LHFPL3: variants seen among roughly 807,000 people sequenced by gnomAD.
LHFPL3 encodes the protein LHFPL tetraspan subfamily member 3.
Under a neutral mutation model 19.3 loss-of-function variants are expected in LHFPL3, and 5 were observed. The ratio of observed to expected loss-of-function variants is 0.26; its 90% CI spans 0.14 to 0.54. The LOEUF is 0.54. Ranked by LOEUF, LHFPL3 falls within the 20% of genes least tolerant of loss-of-function variation. The probability of loss-of-function intolerance (pLI) is 0.94; values close to 1 mark genes in which losing one functional copy is unlikely to be tolerated. For missense variants in LHFPL3, 249 were observed against 307.4 expected (o/e 0.81, Z 1.42); for synonymous variants, 133 against 126.2 (o/e 1.05, Z -0.36).
At chr7:104,544,042 A>T (rs959778279) in intron 1 of LHFPL3, among the ~76,000 whole-genome samples, 4 of 141,000 alleles carry the variant, frequency 2.8e-5, no homozygotes, top group East Asian at 2.0e-4. Flanking sequence ...AAGTAAAATT[A>T]AAAAAAAAAA....
At chr7:104,699,970 A>G (rs368078568) in intron 1 of LHFPL3, among the ~76,000 whole-genome samples, 2 of 152,136 alleles carry the variant, frequency 1.3e-5, no homozygotes, top group African/African-American at 4.8e-5. Context: ...CAGGCCTTAC[A>G]TGTCCCCTGA....
intron 2 of LHFPL3, among the ~76,000 whole-genome samples, chr7:104,790,337 T>C (rs912452468): frequency 7.2e-5 from 11 of 152,184 alleles, no homozygotes; most frequent in African/African-American, 2.4e-4. Flanking sequence ...CAGGGAGGAT[T>C]CATGCACCCT....
intron 1 of LHFPL3, among the ~76,000 whole-genome samples, chr7:104,674,359 T>C (rs1304184341): frequency 6.7e-6 from 1 of 150,352 alleles, no homozygotes; most frequent in Non-Finnish European, 1.5e-5. Flanking sequence ...TTCCTGTTTT[T>C]CTTTTTCTTT....
At chr7:104,497,490 C>CT (rs1198005568) in intron 1 of LHFPL3, among the ~76,000 whole-genome samples, 2 of 152,002 alleles carry the variant, frequency 1.3e-5, no homozygotes, top group African/African-American at 4.8e-5. Flanking sequence ...CATGAGAAGT[C>CT]TTTGTCTTCA....
At chr7:104,573,520 A>T (rs971858465) in intron 1 of LHFPL3, among the ~76,000 whole-genome samples, 1 of 152,236 alleles carries the variant, frequency 6.6e-6, no homozygotes, top group African/African-American at 2.4e-5. Context: ...AACTTGAGAC[A>T]TAAATGAAAT....
chr7:104,698,461 G>A lies in LHFPL3; in HGVS notation c.446-38214G>A, dbSNP rs559438616. The stretch of plus-strand genomic sequence containing the variant: ...GCACAGACAATAAAAGACAAAATAG[G>A]TAAGTTGGACTTCATCAAAATTAAA... On this transcript the variant is annotated intron_variant, in intron 1 of 2. Transcript: ENST00000424859. Among the ~76,000 whole-genome samples, 7 of 152,274 alleles carry A rather than the reference G, an allele frequency of 4.6e-5. No individual in the cohort carries two copies. In the East Asian group the frequency reaches 1.4e-3, roughly 29 times the overall value.
chr7:104,450,014 T>A (rs1014032537), intron 1 of LHFPL3, among the ~76,000 whole-genome samples: 5 of 152,204 alleles, frequency 3.3e-5, no homozygotes, highest in Non-Finnish European at 7.3e-5. Context: ...TATTCTTCAT[T>A]TGAATTGAAA....
In LHFPL3 at chr7:104,860,014, T is replaced by G. The variant is rs78301774; in HGVS notation, c.683-46173T>G. Among the ~76,000 whole-genome samples the G allele has an allele frequency of 5.6e-3, 857 of 152,208 alleles. 43 individuals carry two copies. The East Asian group carries it at 0.11, about 20-fold the overall frequency. The stretch of plus-strand genomic sequence containing the variant: ...CCTAAAACTACTCTAAAAGTAACAT[T>G]TTTTCAGAAGCATAAACTATGATGT... On this transcript the variant is annotated intron_variant, in intron 2 of 2. Coordinates refer to ENST00000424859, the MANE Select transcript of LHFPL3 (RefSeq NM_199000.3).
At chr7:104,392,835 T>C (rs1263334496) in intron 1 of LHFPL3, among the ~76,000 whole-genome samples, 1 of 152,222 alleles carries the variant, frequency 6.6e-6, no homozygotes, top group East Asian at 1.9e-4. Context: ...CTTTGGTTGG[T>C]AGGCTCTTAA....
At chr7:104,465,534 G>A (rs1792762901) in intron 1 of LHFPL3, among the ~76,000 whole-genome samples, 1 of 152,238 alleles carries the variant, frequency 6.6e-6, no homozygotes, top group African/African-American at 2.4e-5. Flanking sequence ...AGTTCAGCAT[G>A]GCTGGGGAGG....
chr7:104,735,390 G>C (rs542845319), intron 1 of LHFPL3, among the ~76,000 whole-genome samples: 3 of 152,378 alleles, frequency 2.0e-5, no homozygotes, highest in African/African-American at 7.2e-5. Flanking sequence ...CAGCCGCTTT[G>C]TTTACCTACT....
At chr7:104,875,316 A>T (rs1791916905) in intron 2 of LHFPL3, among the ~76,000 whole-genome samples, 2 of 152,110 alleles carry the variant, frequency 1.3e-5, no homozygotes, top group African/African-American at 4.8e-5. Flanking sequence ...TACCTTGTCA[A>T]TGTCTCCCTG....
chr7:104,559,678 C>T (rs1395802479), intron 1 of LHFPL3, among the ~76,000 whole-genome samples: 2 of 152,168 alleles, frequency 1.3e-5, no homozygotes, highest in African/African-American at 4.8e-5. Context: ...TTATTTCCTT[C>T]TCCTGCCTAA....
At chr7:104,766,221 A>G (rs1354276812) in intron 2 of LHFPL3, among the ~76,000 whole-genome samples, 2 of 152,212 alleles carry the variant, frequency 1.3e-5, no homozygotes, top group Non-Finnish European at 2.9e-5. Context: ...GAGATTATCT[A>G]GAGAGCAATG....
At chr7:104,458,922 A>G (rs1279192813) in intron 1 of LHFPL3, among the ~76,000 whole-genome samples, 1 of 152,194 alleles carries the variant, frequency 6.6e-6, no homozygotes, top group East Asian at 1.9e-4. Context: ...GATTTCCAGC[A>G]GTGCAATAGT....
intron 1 of LHFPL3, among the ~76,000 whole-genome samples, chr7:104,463,964 A>G (rs1306841959): frequency 1.3e-5 from 2 of 152,176 alleles, no homozygotes; most frequent in African/African-American, 4.8e-5. Context: ...TCAAAAGTCC[A>G]CGTCCAAAGT....
At chr7:104,329,627 G>T (rs1362859932) in intron 1 of LHFPL3, among the ~76,000 whole-genome samples, 1 of 152,182 alleles carries the variant, frequency 6.6e-6, no homozygotes, top group African/African-American at 2.4e-5. Context: ...GATTTGGAGA[G>T]GTCATAGTGG....
intron 2 of LHFPL3, among the ~76,000 whole-genome samples, chr7:104,745,921 C>T (rs1287662028): frequency 6.6e-6 from 1 of 152,114 alleles, no homozygotes; most frequent in Non-Finnish European, 1.5e-5. Context: ...CAAATGTCCC[C>T]TCTCATCTAT....
At chr7:104,736,561 T>C in intron 1 of LHFPL3, 114 bp from the exon 2 acceptor site, 3 of 728,606 alleles carry the variant, frequency 4.1e-6, no homozygotes, top group Non-Finnish European at 6.8e-6. Flanking sequence ...TGCTGTTTTT[T>C]AAATCAAGAA....
Sources: gnomAD v4.1 joint callset for allele counts (sites outside exome capture counted in the v4.1 genomes callset) on GRCh38, gnomAD v4.1.1 for gene constraint, MANE v1.5 for transcripts, NCBI Gene and HGNC (gene_info 2026-07-23, HGNC 2026-07-21) for gene names.